The following NRXN1 variants were observed in gnomAD, a reference collection of about 807,000 sequenced individuals.
The protein encoded by NRXN1 is neurexin 1, also known as neurexin-1.
Under a neutral mutation model 150.9 loss-of-function variants are expected in NRXN1, and 39 were observed. That is an observed-to-expected ratio of 0.26 (90% CI 0.20 to 0.34). The LOEUF is 0.34. NRXN1 is among the 10% of genes least tolerant of loss of function. The pLI, the probability that NRXN1 is intolerant of heterozygous loss-of-function variation, is 1.00. For missense variants in NRXN1, 1,815 were observed against 1,949.9 expected (o/e 0.93, Z 1.30); for synonymous variants, 924 against 757.0 (o/e 1.22, Z -3.62).
intron 18 of NRXN1, among the ~76,000 whole-genome samples, chr2:50,183,387 C>T (rs1390447130): frequency 1.3e-5 from 2 of 151,732 alleles, no homozygotes; most frequent in African/African-American, 4.8e-5. Flanking sequence ...TCTTCCCTTG[C>T]CAAAGAGACA....
intron 5 of NRXN1, among the ~76,000 whole-genome samples, chr2:50,644,110 T>G (rs1186934187): frequency 6.6e-6 from 1 of 151,722 alleles, no homozygotes; most frequent in Non-Finnish European, 1.5e-5. Context: ...AACCAGTATT[T>G]TTTAACGTTC....
chr2:50,614,972 A>C (rs915588051), intron 8 of NRXN1, among the ~76,000 whole-genome samples: 4 of 152,174 alleles, frequency 2.6e-5, no homozygotes, highest in African/African-American at 9.7e-5. Context: ...CACAGATTTC[A>C]TTAAGGAATC....
chr2:49,997,971 G>T (rs1220599268), intron 21 of NRXN1, among the ~76,000 whole-genome samples: 5 of 152,130 alleles, frequency 3.3e-5, no homozygotes, highest in Admixed American at 3.3e-4. Context: ...CCACTTCAGG[G>T]ATTTTTATAA....
At chr2:50,408,837 A>C (rs200310535) in intron 17 of NRXN1, among the ~76,000 whole-genome samples, 119 of 136,644 alleles carry the variant, frequency 8.7e-4, no homozygotes, top group Middle Eastern at 3.9e-3. Context: ...ATCAATCTCA[A>C]TCTCTCTCTC....
chr2:50,836,918 A>C (rs1346881577), intron 5 of NRXN1, among the ~76,000 whole-genome samples: 1 of 152,016 alleles, frequency 6.6e-6, no homozygotes, highest in Non-Finnish European at 1.5e-5. Flanking sequence ...GTAAATTAAA[A>C]AAAAAATCAG....
At chr2:50,267,003 C>A (rs1018286102) in intron 17 of NRXN1, among the ~76,000 whole-genome samples, 3 of 152,150 alleles carry the variant, frequency 2.0e-5, no homozygotes, top group East Asian at 3.8e-4. Context: ...TTAATTTGTG[C>A]ACACCTTATG....
At chr2:50,661,537 G>C (rs1687298261) in intron 5 of NRXN1, among the ~76,000 whole-genome samples, 2 of 151,996 alleles carry the variant, frequency 1.3e-5, no homozygotes, top group South Asian at 4.1e-4. Flanking sequence ...TGTGCCTTAA[G>C]GGTCCTCAGT....
At chr2:49,954,264 G>A (rs996574011) in intron 21 of NRXN1, among the ~76,000 whole-genome samples, 9 of 151,956 alleles carry the variant, frequency 5.9e-5, no homozygotes, top group African/African-American at 2.2e-4. Context: ...AATTCATTTT[G>A]GCATTCCTTA....
intron 8 of NRXN1, among the ~76,000 whole-genome samples, chr2:50,582,747 C>T (rs576402632): frequency 2.9e-4 from 44 of 151,898 alleles, no homozygotes; most frequent in African/African-American, 1.1e-3. Flanking sequence ...AAAAGTACTA[C>T]CTCATATCAA....
At chr2:49,972,250 C>T (rs1678086065) in intron 21 of NRXN1, among the ~76,000 whole-genome samples, 1 of 149,852 alleles carries the variant, frequency 6.7e-6, no homozygotes, top group Non-Finnish European at 1.5e-5. Flanking sequence ...TCTCTGGGAG[C>T]TGGGGGTGAC....
chr2:50,129,758 G>A (rs1022080063), intron 18 of NRXN1, among the ~76,000 whole-genome samples: 2 of 152,094 alleles, frequency 1.3e-5, no homozygotes, highest in African/African-American at 4.8e-5. Context: ...ATCATGTACT[G>A]TCCAGGTATT....
intron 17 of NRXN1, among the ~76,000 whole-genome samples, chr2:50,433,754 G>C (rs2085178011): frequency 6.6e-6 from 1 of 151,092 alleles, no homozygotes; most frequent in African/African-American, 2.4e-5. Flanking sequence ...GGGAAGGAGG[G>C]GAGGAGAAAG....
chr2:50,865,197 G>C (rs907463182), intron 5 of NRXN1, among the ~76,000 whole-genome samples: 5 of 151,916 alleles, frequency 3.3e-5, no homozygotes, highest in Non-Finnish European at 7.4e-5. Context: ...GCTAGGAACA[G>C]TGCAAGAAAT....
chr2:50,138,644 C>G (rs1157556416), intron 18 of NRXN1, among the ~76,000 whole-genome samples: 1 of 152,200 alleles, frequency 6.6e-6, no homozygotes. Context: ...ACATCTATTA[C>G]TTATTTTCCT....
intron 18 of NRXN1, among the ~76,000 whole-genome samples, chr2:50,102,005 A>G (rs1251985496): frequency 6.6e-6 from 1 of 151,966 alleles, no homozygotes; most frequent in East Asian, 1.9e-4. Flanking sequence ...ATCCTTAGGA[A>G]AAAAATGTGT....
chr2:50,625,774 T>A (rs1680910887), intron 5 of NRXN1, among the ~76,000 whole-genome samples: 1 of 152,086 alleles, frequency 6.6e-6, no homozygotes, highest in African/African-American at 2.4e-5. Flanking sequence ...GAGATACCAA[T>A]CTTTCAGAAT....
At chr2:49,979,401 G>C (rs2152505499) in intron 21 of NRXN1, among the ~76,000 whole-genome samples, 1 of 152,338 alleles carries the variant, frequency 6.6e-6, no homozygotes, top group South Asian at 2.1e-4. Flanking sequence ...AAGGCACGGA[G>C]AGCCTTTGCT....
chr2:50,444,824 C>G (rs1322664583), intron 17 of NRXN1, among the ~76,000 whole-genome samples: 3 of 152,018 alleles, frequency 2.0e-5, no homozygotes, highest in African/African-American at 7.3e-5. Context: ...AATATTGATG[C>G]TGTCTTTATT....
intron 2 of NRXN1, among the ~76,000 whole-genome samples, chr2:50,964,317 G>C (rs1278171542): frequency 6.6e-6 from 1 of 151,440 alleles, no homozygotes; most frequent in African/African-American, 2.4e-5. Flanking sequence ...ATTCCTATGT[G>C]TCAGGTGACC....
Sources: allele counts gnomAD v4.1 joint callset (sites outside exome capture counted in the v4.1 genomes callset), GRCh38; gene constraint gnomAD v4.1.1; transcripts MANE v1.5; gene names NCBI Gene and HGNC (gene_info 2026-07-23, HGNC 2026-07-21).